The following CBR4 variants were observed in gnomAD, a reference collection of about 807,000 sequenced individuals.
CBR4 encodes the protein carbonyl reductase 4.
In CBR4, 22 loss-of-function variants were observed where a neutral mutation model predicts 21.0. The observed-to-expected ratio is 1.05, with a 90% confidence interval of 0.75 to 1.50. The LOEUF is 1.50. Among genes scored for constraint, CBR4 ranks in the 40% most tolerant of loss-of-function variants. The probability of loss-of-function intolerance (pLI) is 0.00; values close to 1 mark genes in which losing one functional copy is unlikely to be tolerated. For synonymous variants in CBR4, 100 were observed against 104.4 expected (o/e 0.96, Z 0.26); for missense variants, 302 against 286.3 (o/e 1.05, Z -0.40).
chr4:168,900,437 T>C, intron 2 of CBR4, among the ~76,000 whole-genome samples: 1 of 151,976 alleles, frequency 6.6e-6, no homozygotes, highest in Admixed American at 6.6e-5. Context: ...AACAAGATAG[T>C]ACCAAAAAAT....
At chr4:168,966,482 G>A (rs556896111) in intron 2 of CBR4, among the ~76,000 whole-genome samples, 16 of 151,342 alleles carry the variant, frequency 1.1e-4, no homozygotes, top group East Asian at 5.9e-4. Context: ...AGCCGAGATC[G>A]CACCACTGCC....
Position 168,988,515 on chromosome 4 carries a change from T to C in CBR4, c.*1635A>G, listed in dbSNP as rs1050521161. On this transcript the variant is annotated 3_prime_UTR_variant, in exon 5 of 5. Transcript: ENST00000306193. Reference sequence around the variant, plus strand: ...AGTACAGGTAGCCAAAGGCCAGCAATTGAGACAGCATTAGAGAAACTATCT... The same window carrying C: ...AGTACAGGTAGCCAAAGGCCAGCAACTGAGACAGCATTAGAGAAACTATCT... 2 of 985,262 alleles carry C rather than the reference T, an allele frequency of 2.0e-6. No individual in the cohort carries two copies. Among genetic ancestry groups the C allele is most frequent in the East Asian group, 1.1e-4 (1 of 8,824 alleles). 61.0% of individuals were successfully genotyped at this position (985,262 alleles called of 1,614,324 possible).
At chr4:168,958,622 A>G (rs1763755693) in intron 2 of CBR4, among the ~76,000 whole-genome samples, 1 of 152,222 alleles carries the variant, frequency 6.6e-6, no homozygotes, top group Non-Finnish European at 1.5e-5. Flanking sequence ...TTTATGTTCA[A>G]CTTTTTAAGA....
Position 168,945,927 on chromosome 4 carries a change from T to C in CBR4, n.170-51162A>G, listed in dbSNP as rs186376016. ...TACAGCAGACCCGCAAAGCTGAATT[T>C]TGGCCAGAAATAGGAAAAAGTGAAA... is the stretch of plus-strand genomic sequence containing the variant. On this transcript the variant is annotated intron_variant and non_coding_transcript_variant, in intron 2 of 3. Transcript: ENST00000509108. Among the ~76,000 whole-genome samples, 13 of 152,218 alleles carry C rather than the reference T, an allele frequency of 8.5e-5. No homozygotes were observed. In the East Asian group the frequency reaches 2.5e-3, roughly 29 times the overall value.
chr4:168,946,164 AAC>A (rs1763391736), intron 2 of CBR4, among the ~76,000 whole-genome samples: 4 of 152,162 alleles, frequency 2.6e-5, no homozygotes, highest in African/African-American at 9.7e-5. Flanking sequence ...CCATGCTAAC[AAC>A]TGAGGAATAA....
intron 2 of CBR4, 28 bp from the exon 3 acceptor site, chr4:169,006,919 A>T (rs1730952438): frequency 6.3e-7 from 1 of 1,579,152 alleles, no homozygotes; most frequent in Non-Finnish European, 8.7e-7. Context: ...ATATAATAGC[A>T]TATAATAACA....
chr4:168,934,413 T>C (rs543647474), intron 2 of CBR4, among the ~76,000 whole-genome samples: 47 of 151,472 alleles, frequency 3.1e-4, no homozygotes, highest in Non-Finnish European at 5.9e-4. Flanking sequence ...GTTGGTTTTT[T>C]GAAAAAATAA....
chr4:168,898,687 T>C lies in CBR4; in HGVS notation n.170-3922A>G. ...AGGGAATGCCAGTAACTTTCACATG[T>C]AGAGTGGCTGGAAATCCAAAGCCAA... On this transcript the variant is annotated intron_variant and non_coding_transcript_variant, in intron 2 of 3. Transcript: ENST00000509108. The C allele has an allele frequency of 6.2e-7, 1 of 1,613,634 alleles. No homozygotes were observed. The highest frequency in any genetic ancestry group is 1.7e-5 in the Admixed American group (1 of 60,022).
intron 3 of CBR4, among the ~76,000 whole-genome samples, chr4:169,002,647 A>T (rs779758392): frequency 6.6e-5 from 10 of 152,244 alleles, no homozygotes; most frequent in Non-Finnish European, 1.2e-4. Context: ...TTCACCCTAA[A>T]AACTAGTTCA....
intron 2 of CBR4, among the ~76,000 whole-genome samples, chr4:168,975,304 G>T (rs1764335527): frequency 6.6e-6 from 1 of 152,248 alleles, no homozygotes. Context: ...CTCCATTGGA[G>T]GTGGCAGGGG....
Position 168,917,704 on chromosome 4 carries a change from A to T in CBR4, n.170-22939T>A, listed in dbSNP as rs186446281. On this transcript the variant is annotated intron_variant and non_coding_transcript_variant, in intron 2 of 3. Coordinates refer to the CBR4 transcript ENST00000509108. ...AAATCTGGGATTATAGAAATGTATA[A>T]AAAGAATAAATATAACAAAAATATT... Among the ~76,000 whole-genome samples the T allele has an allele frequency of 1.4e-4, 22 of 152,170 alleles. No homozygotes were observed. The East Asian group carries it at 3.5e-3, about 24-fold the overall frequency.
intron 2 of CBR4, among the ~76,000 whole-genome samples, chr4:168,961,880 ACT>A (rs1299764654): frequency 2.6e-5 from 4 of 151,536 alleles, no homozygotes; most frequent in African/African-American, 9.7e-5. Context: ...ACAGAGTGAA[ACT>A]CTGTCATAGA....
intron 2 of CBR4, chr4:168,924,794 A>T (rs1762259624): frequency 1.3e-6 from 1 of 754,780 alleles, no homozygotes; most frequent in African/African-American, 1.7e-5. Context: ...ATTAACTTTA[A>T]TGGAGCTAGT....
chr4:168,986,430 C>G (rs1411129414), downstream of CBR4, among the ~76,000 whole-genome samples: 1 of 152,112 alleles, frequency 6.6e-6, no homozygotes, highest in Non-Finnish European at 1.5e-5. Context: ...GCAATAAGAG[C>G]TTCTCATTTT....
Position 168,978,764 on chromosome 4 carries a change from A to G in CBR4, n.169+23307T>C, listed in dbSNP as rs549455383. On this transcript the variant is annotated intron_variant and non_coding_transcript_variant, in intron 2 of 3. Coordinates refer to the CBR4 transcript ENST00000509108. ...AACAAAGGAGGCCAGGTTCTCACGC[A>G]TACCCCCAGGAGAGAGGCTGCATCC... 5.7e-4 allele frequency among the ~76,000 whole-genome samples: 87 copies of G among 152,246 alleles called. 1 individual carries two copies. Among genetic ancestry groups the G allele is most frequent in the African/African-American group, 2.0e-3 (81 of 41,528 alleles).
intron 2 of CBR4, among the ~76,000 whole-genome samples, chr4:168,960,775 A>T (rs1007239009): frequency 6.6e-6 from 1 of 152,210 alleles, no homozygotes; most frequent in Admixed American, 6.5e-5. Context: ...AAGTTTGCTG[A>T]GATTTAAAAG....
intron 2 of CBR4, among the ~76,000 whole-genome samples, chr4:168,956,525 G>C (rs568889427): frequency 6.9e-6 from 1 of 144,362 alleles, no homozygotes; most frequent in South Asian, 2.2e-4. Context: ...TTGAGCCCAG[G>C]AGGCAGAGGT....
intron 3 of CBR4, 112 bp from the exon 4 acceptor site, chr4:169,002,317 T>C: frequency 1.8e-6 from 2 of 1,088,920 alleles, no homozygotes; most frequent in Non-Finnish European, 1.2e-6. Flanking sequence ...CCACTTCACC[T>C]TGTCCTTTGT....
intron 2 of CBR4, among the ~76,000 whole-genome samples, chr4:168,974,515 A>T (rs964913690): frequency 2.6e-5 from 4 of 152,194 alleles, no homozygotes; most frequent in Non-Finnish European, 5.9e-5. Flanking sequence ...CCAAACTTTT[A>T]GATTTCTCTT....
Sources: allele counts gnomAD v4.1 joint callset (sites outside exome capture counted in the v4.1 genomes callset), GRCh38; gene constraint gnomAD v4.1.1; transcripts MANE v1.5; gene names NCBI Gene and HGNC (gene_info 2026-07-23, HGNC 2026-07-21).